CSTPP1: variants seen among roughly 807,000 people sequenced by gnomAD.
CSTPP1 encodes UPF0705 protein C11orf49.
the CSTPP1 span, among the ~76,000 whole-genome samples, chr11:47,143,542 C>G: frequency 6.6e-6 from 1 of 152,124 alleles, no homozygotes; most frequent in African/African-American, 2.4e-5. Flanking sequence ...ATGGCCAGGC[C>G]CTGGGGCAGC....
the CSTPP1 span, among the ~76,000 whole-genome samples, chr11:47,131,943 C>T: frequency 6.6e-6 from 1 of 151,734 alleles, no homozygotes; most frequent in Non-Finnish European, 1.5e-5. Context: ...TGCCACTGCA[C>T]TCCAGCCTGG....
the CSTPP1 span, among the ~76,000 whole-genome samples, chr11:47,150,329 A>G: frequency 2.5e-4 from 38 of 152,172 alleles, no homozygotes; most frequent in African/African-American, 8.7e-4. Flanking sequence ...CCACCTGGCC[A>G]GAGGAAAAGG....
At chr11:47,092,485 C>A in the CSTPP1 span, among the ~76,000 whole-genome samples, 1 of 152,176 alleles carries the variant, frequency 6.6e-6, no homozygotes, top group Non-Finnish European at 1.5e-5. Flanking sequence ...TATGAAGGCA[C>A]TTGTCTGCCC....
At chr11:46,976,561 T>G in the CSTPP1 span, among the ~76,000 whole-genome samples, 1 of 152,304 alleles carries the variant, frequency 6.6e-6, no homozygotes, top group East Asian at 1.9e-4. Context: ...TCCTCTGCTA[T>G]AAAATAAGGA....
At chr11:47,164,307 C>G in the CSTPP1 span, 1 of 1,527,414 alleles carries the variant, frequency 6.5e-7, no homozygotes, top group African/African-American at 1.4e-5. Context: ...CTGCTTCACT[C>G]AGACCAACAG....
At chr11:47,105,293 C>G in the CSTPP1 span, among the ~76,000 whole-genome samples, 1 of 152,066 alleles carries the variant, frequency 6.6e-6, no homozygotes, top group Non-Finnish European at 1.5e-5. Flanking sequence ...TGAGGGGTTC[C>G]AGACTAGCCT....
chr11:47,143,995 TCTA>T, the CSTPP1 span, among the ~76,000 whole-genome samples: 1 of 152,220 alleles, frequency 6.6e-6, no homozygotes, highest in Non-Finnish European at 1.5e-5. Context: ...ATTAGAAAGA[TCTA>T]CTGTACATCC....
chr11:47,038,311 G>A, the CSTPP1 span, among the ~76,000 whole-genome samples: 5 of 108,006 alleles, frequency 4.6e-5, no homozygotes, highest in African/African-American at 1.1e-4. Context: ...CGGACGGGGC[G>A]GCTGGCCGGG....
At chr11:46,979,155 C>T in the CSTPP1 span, among the ~76,000 whole-genome samples, 7 of 152,256 alleles carry the variant, frequency 4.6e-5, no homozygotes, top group African/African-American at 1.7e-4. Context: ...AGGAGTCCTA[C>T]TATGTTGGTC....
chr11:47,075,946 A>G, the CSTPP1 span, among the ~76,000 whole-genome samples: 1 of 150,914 alleles, frequency 6.6e-6, no homozygotes, highest in Non-Finnish European at 1.5e-5. Context: ...AAAAAAAAAA[A>G]AAAAAAGAAT....
At chr11:47,091,782 A>G in the CSTPP1 span, among the ~76,000 whole-genome samples, 1 of 152,188 alleles carries the variant, frequency 6.6e-6, no homozygotes, top group Non-Finnish European at 1.5e-5. Flanking sequence ...GTGTGTTTGG[A>G]GCAGGGAAGT....
the CSTPP1 span, chr11:47,052,622 T>C: frequency 1.4e-6 from 2 of 1,431,842 alleles, no homozygotes; most frequent in African/African-American, 2.9e-5. Context: ...TTCCTCTCTT[T>C]CTCTTTCAAA....
the CSTPP1 span, among the ~76,000 whole-genome samples, chr11:47,037,986 C>G: frequency 5.6e-5 from 6 of 106,628 alleles, 1 homozygote; most frequent in Non-Finnish European, 9.2e-5. Context: ...TGACCCCCCC[C>G]ACCTCCCTCC....
At chr11:47,013,210 G>GTT in the CSTPP1 span, among the ~76,000 whole-genome samples, 2 of 147,558 alleles carry the variant, frequency 1.4e-5, no homozygotes, top group Admixed American at 6.8e-5. Context: ...TATATAAATG[G>GTT]TTATATATAT....
the CSTPP1 span, chr11:47,161,342 C>A: frequency 6.3e-7 from 1 of 1,583,890 alleles, no homozygotes; most frequent in Non-Finnish European, 8.6e-7. Flanking sequence ...AGGTGTCCCT[C>A]CCTCTGAGTC....
chr11:47,073,551 TAGAA>T, the CSTPP1 span, among the ~76,000 whole-genome samples: 96 of 151,934 alleles, frequency 6.3e-4, no homozygotes, highest in African/African-American at 2.2e-3. Flanking sequence ...TTTTAAAACT[TAGAA>T]AGAAAGAAAA....
At chr11:46,991,761 G>A in the CSTPP1 span, 1 of 151,756 alleles carries the variant, frequency 6.6e-6, no homozygotes, top group Non-Finnish European at 1.5e-5. Flanking sequence ...TTTTTTTTGA[G>A]GCAGAGTCTC....
At chr11:47,137,593 C>A in the CSTPP1 span, 1 of 1,613,128 alleles carries the variant, frequency 6.2e-7, no homozygotes, top group Non-Finnish European at 8.5e-7. Context: ...AAAAAGAGGG[C>A]AGTGACTTGA....
the CSTPP1 span, among the ~76,000 whole-genome samples, chr11:47,127,050 C>T: frequency 3.3e-5 from 5 of 151,988 alleles, no homozygotes; most frequent in South Asian, 4.1e-4. Context: ...CATCCATAGA[C>T]GAAGGAAAAG....
Sources: allele counts gnomAD v4.1 joint callset (sites outside exome capture counted in the v4.1 genomes callset), GRCh38; gene constraint gnomAD v4.1.1; transcripts MANE v1.5; gene names NCBI Gene and HGNC (gene_info 2026-07-23, HGNC 2026-07-21).